The following STAB2 variants were observed in gnomAD, a reference collection of about 807,000 sequenced individuals.
The protein encoded by STAB2 is stabilin-2.
In STAB2, 288 loss-of-function variants were observed where a neutral mutation model predicts 338.1. That is an observed-to-expected ratio of 0.85 (90% confidence interval 0.77 to 0.94). The LOEUF is 0.94. STAB2 is among the 40% of genes least tolerant of loss of function. The pLI is 0.00. For synonymous variants in STAB2, 1,202 were observed against 1,193.3 expected (o/e 1.01, Z -0.15); for missense variants, 3,141 against 3,210.1 (o/e 0.98, Z 0.52).
At chr12:103,698,061 GGAAGA>G (rs1361780669) in intron 33 of STAB2, among the ~76,000 whole-genome samples, 1 of 152,182 alleles carries the variant, frequency 6.6e-6, no homozygotes, top group Non-Finnish European at 1.5e-5. Flanking sequence ...GCCACTGCAG[GGAAGA>G]GAAGTGAGGC....
chr12:103,677,792 A>G (rs1397662682), intron 25 of STAB2, among the ~76,000 whole-genome samples, 181 bp downstream of exon 25: 2 of 152,262 alleles, frequency 1.3e-5, no homozygotes, highest in East Asian at 3.8e-4. Flanking sequence ...CATCTTATAG[A>G]AAAGGAAATT....
chr12:103,690,969 G>T (rs1432326002), intron 30 of STAB2, among the ~76,000 whole-genome samples: 1 of 152,206 alleles, frequency 6.6e-6, no homozygotes, highest in Non-Finnish European at 1.5e-5. Flanking sequence ...CTTTATTAGA[G>T]AAATGAAATT....
chr12:103,593,646 G>A (rs1000537487), intron 2 of STAB2, among the ~76,000 whole-genome samples: 18 of 152,138 alleles, frequency 1.2e-4, no homozygotes, highest in Non-Finnish European at 2.6e-4. Context: ...TTTCAAGGAT[G>A]GGTTTGAGAG....
At chr12:103,610,741 G>A (rs1384518826) in intron 3 of STAB2, among the ~76,000 whole-genome samples, 1 of 152,124 alleles carries the variant, frequency 6.6e-6, no homozygotes, top group Admixed American at 6.5e-5. Flanking sequence ...TTTTGAATGT[G>A]TTTGCTCTTG....
At chr12:103,620,425 G>T in intron 3 of STAB2, 43 bp from the exon 4 acceptor site, 1 of 1,523,240 alleles carries the variant, frequency 6.6e-7, no homozygotes, top group Non-Finnish European at 8.9e-7. Flanking sequence ...GAATGCTTGT[G>T]TGCAGTCACG....
intron 22 of STAB2, 95 bp from the exon 23 acceptor site, chr12:103,673,812 T>G (rs1593216288): frequency 7.7e-7 from 1 of 1,306,258 alleles, no homozygotes; most frequent in Non-Finnish European, 1.0e-6. Flanking sequence ...GAGTGGGGGG[T>G]GAGAAGAGGT....
chr12:103,734,664 A>G (rs758797752), intron 51 of STAB2, among the ~76,000 whole-genome samples: 2 of 152,178 alleles, frequency 1.3e-5, no homozygotes, highest in Non-Finnish European at 2.9e-5. Context: ...TAGTTCATCC[A>G]CAGCATCTAG....
intron 2 of STAB2, among the ~76,000 whole-genome samples, chr12:103,591,891 T>A (rs762355776): frequency 2.6e-4 from 40 of 152,238 alleles, no homozygotes; most frequent in Non-Finnish European, 5.1e-4. Context: ...CGCAGCCTGT[T>A]TCTTTAGAAA....
intron 12 of STAB2, among the ~76,000 whole-genome samples, chr12:103,653,761 T>C (rs1018094275): frequency 6.7e-6 from 1 of 148,568 alleles, no homozygotes; most frequent in African/African-American, 2.5e-5. Context: ...GATGGATGGA[T>C]GGACGGATGG....
chr12:103,634,927 T>C (rs1316867435), intron 6 of STAB2, among the ~76,000 whole-genome samples: 1 of 152,228 alleles, frequency 6.6e-6, no homozygotes, highest in Non-Finnish European at 1.5e-5. Context: ...AGTGAACTAG[T>C]CACGTGATCT....
At chr12:103,729,359 C>T (rs1274390512) in intron 48 of STAB2, among the ~76,000 whole-genome samples, 4 of 150,912 alleles carry the variant, frequency 2.7e-5, no homozygotes, top group Non-Finnish European at 5.9e-5. Flanking sequence ...AAGTTGTTTG[C>T]TTTTTTTTTA....
At chr12:103,619,053 T>G (rs995533043) in intron 3 of STAB2, among the ~76,000 whole-genome samples, 1 of 152,230 alleles carries the variant, frequency 6.6e-6, no homozygotes, top group Non-Finnish European at 1.5e-5. Flanking sequence ...TGCCATAATT[T>G]TGAGGCCTCC....
At chr12:103,684,966 T>G in intron 26 of STAB2, 23 bp from the exon 27 acceptor site, 2 of 1,610,926 alleles carry the variant, frequency 1.2e-6, no homozygotes, top group Non-Finnish European at 1.7e-6. Flanking sequence ...GGGTAACCAT[T>G]TCTTTCATCT....
rs750208076 is a variant in STAB2, at chr12:103,706,986, A to G, written c.4191A>G (p.Gln1397=). 41 of 1,613,960 alleles carry G rather than the reference A, an allele frequency of 2.5e-5. No individual in the cohort carries two copies. The highest frequency in any genetic ancestry group is 3.3e-5 in the Non-Finnish European group (39 of 1,180,004). ...GCAAGTACGGCATCCACTGTGACCA[A>G]GGTGAGCACCGTCCTCTCCACAGAG... ...TEGKYGIHCD[Q]ACSCVHGRCN... is the part of the protein sequence containing the mutation. Residue 1397 remains glutamine (Q), a splice_region_variant and synonymous_variant, in exon 38 of 69, where the codon CAA becomes CAG. Coordinates refer to ENST00000388887, the MANE Select transcript of STAB2 (RefSeq NM_017564.10).
At chr12:103,611,586 G>A (rs1957123664) in intron 3 of STAB2, among the ~76,000 whole-genome samples, 1 of 152,148 alleles carries the variant, frequency 6.6e-6, no homozygotes, top group South Asian at 2.1e-4. Flanking sequence ...GTGTGTCTCT[G>A]CATGTGAGAT....
At chr12:103,720,384 T>A (rs1457354581) in intron 44 of STAB2, among the ~76,000 whole-genome samples, 1 of 152,188 alleles carries the variant, frequency 6.6e-6, no homozygotes, top group Non-Finnish European at 1.5e-5. Flanking sequence ...AGGCAGGGAA[T>A]AATATCAACA....
chr12:103,708,858 T>C (rs947114746), intron 39 of STAB2, among the ~76,000 whole-genome samples: 9 of 152,332 alleles, frequency 5.9e-5, no homozygotes, highest in Non-Finnish European at 1.5e-5. Flanking sequence ...ACAATATATA[T>C]ATAGATATCT....
chr12:103,627,536 A>G (rs748407405), intron 5 of STAB2, among the ~76,000 whole-genome samples: 2 of 152,224 alleles, frequency 1.3e-5, no homozygotes, highest in Non-Finnish European at 2.9e-5. Context: ...GGGCTCTTTC[A>G]ATGATGATCT....
intron 6 of STAB2, among the ~76,000 whole-genome samples, chr12:103,635,153 A>G (rs1322222645): frequency 6.6e-6 from 1 of 152,196 alleles, no homozygotes; most frequent in Non-Finnish European, 1.5e-5. Flanking sequence ...CATCTGTTCA[A>G]GGATGTTTGT....
Sources: gnomAD v4.1 joint callset for allele counts (sites outside exome capture counted in the v4.1 genomes callset) on GRCh38, gnomAD v4.1.1 for gene constraint, MANE v1.5 for transcripts, NCBI Gene and HGNC (gene_info 2026-07-23, HGNC 2026-07-21) for gene names.